Variants in KCND3 observed in about 807,000 individuals in gnomAD.
KCND3 encodes potassium voltage-gated channel subfamily D member 3, also known as A-type voltage-gated potassium channel KCND3.
Under a neutral mutation model 51.1 loss-of-function variants are expected in KCND3, and 9 were observed. That is an observed-to-expected ratio of 0.18 (90% CI 0.11 to 0.31). The LOEUF (loss-of-function observed/expected upper bound fraction) is 0.31. Among genes scored for constraint, KCND3 ranks in the 10% least tolerant of loss-of-function variants. KCND3 has a pLI of 1.00. For synonymous variants in KCND3, 349 were observed against 368.0 expected, an observed-to-expected ratio of 0.95 and a Z score of 0.59; for missense variants, 526 against 903.8, an observed-to-expected ratio of 0.58 and a Z score of 5.36.
intron 2 of KCND3, among the ~76,000 whole-genome samples, chr1:111,916,272 C>T (rs1359890035): frequency 5.3e-5 from 8 of 151,930 alleles, no homozygotes; most frequent in Admixed American, 4.6e-4. Context: ...AAAAAGATAC[C>T]TGGAAAATCC....
At chr1:111,903,848 T>C (rs1160180332) in intron 2 of KCND3, among the ~76,000 whole-genome samples, 1 of 152,230 alleles carries the variant, frequency 6.6e-6, no homozygotes, top group Non-Finnish European at 1.5e-5. Context: ...TTCATGCCTG[T>C]GTTCTGGGAG....
At chr1:111,776,859 AG>A (rs1322444907) in intron 7 of KCND3, among the ~76,000 whole-genome samples, 166 bp downstream of exon 7, 1 of 152,070 alleles carries the variant, frequency 6.6e-6, no homozygotes, top group African/African-American at 2.4e-5. Context: ...CAGCATATGA[AG>A]GGCCTTTGGG....
At chr1:111,977,591 G>A (rs1674707561) in intron 2 of KCND3, among the ~76,000 whole-genome samples, 1 of 152,176 alleles carries the variant, frequency 6.6e-6, no homozygotes, top group African/African-American at 2.4e-5. Context: ...ATCGGACACT[G>A]CTCTGAACCC....
intron 1 of KCND3, among the ~76,000 whole-genome samples, chr1:111,985,702 CTG>C (rs1292831909): frequency 6.6e-6 from 1 of 152,244 alleles, no homozygotes; most frequent in Non-Finnish European, 1.5e-5. Flanking sequence ...GTATCTGCCT[CTG>C]ACTCACTCAG....
intron 2 of KCND3, among the ~76,000 whole-genome samples, chr1:111,875,929 CT>C (rs1441524936): frequency 6.6e-6 from 1 of 152,176 alleles, no homozygotes; most frequent in Admixed American, 6.5e-5. Flanking sequence ...GAAATTGTGG[CT>C]GATGGATGGT....
At chr1:111,822,058 G>C (rs1666373982) in intron 2 of KCND3, among the ~76,000 whole-genome samples, 1 of 149,656 alleles carries the variant, frequency 6.7e-6, no homozygotes, top group African/African-American at 2.4e-5. Context: ...AACCTCCTCT[G>C]TATGTGGGGG....
intron 2 of KCND3, among the ~76,000 whole-genome samples, chr1:111,863,217 G>A (rs1167364189): frequency 6.6e-6 from 1 of 152,122 alleles, no homozygotes; most frequent in Non-Finnish European, 1.5e-5. Flanking sequence ...CAGAAAGGTT[G>A]TGTGACATGT....
At chr1:111,961,441 T>C (rs1013915671) in intron 2 of KCND3, among the ~76,000 whole-genome samples, 6 of 152,170 alleles carry the variant, frequency 3.9e-5, no homozygotes, top group African/African-American at 1.4e-4. Context: ...GTCCATTCTT[T>C]TGTCTCTTTG....
At chr1:111,959,262 C>A (rs1673507591) in intron 2 of KCND3, among the ~76,000 whole-genome samples, 1 of 152,184 alleles carries the variant, frequency 6.6e-6, no homozygotes, top group Admixed American at 6.5e-5. Context: ...CCCCCATAAA[C>A]CCTCAGCTTT....
chr1:111,911,430 G>A (rs999571202), intron 2 of KCND3, among the ~76,000 whole-genome samples: 1 of 152,172 alleles, frequency 6.6e-6, no homozygotes, highest in Admixed American at 6.5e-5. Context: ...CCATTCAGGT[G>A]CACTTATATA....
At chr1:111,882,542 G>A in intron 2 of KCND3, among the ~76,000 whole-genome samples, 1 of 152,224 alleles carries the variant, frequency 6.6e-6, no homozygotes, top group East Asian at 1.9e-4. Flanking sequence ...AGGTGACAGT[G>A]TGCAACGGAG....
intron 2 of KCND3, among the ~76,000 whole-genome samples, chr1:111,898,427 T>C (rs1175239669): frequency 6.6e-6 from 1 of 152,192 alleles, no homozygotes; most frequent in Non-Finnish European, 1.5e-5. Flanking sequence ...CTTATCATTC[T>C]GATCATCGCT....
At chr1:111,777,808 G>A (rs1664196232) in intron 6 of KCND3, among the ~76,000 whole-genome samples, 1 of 152,232 alleles carries the variant, frequency 6.6e-6, no homozygotes, top group Non-Finnish European at 1.5e-5. Flanking sequence ...GTCACGGATA[G>A]GGTTTCTTTT....
intron 2 of KCND3, among the ~76,000 whole-genome samples, chr1:111,855,811 G>C (rs982558356): frequency 6.6e-6 from 1 of 152,162 alleles, no homozygotes; most frequent in Non-Finnish European, 1.5e-5. Flanking sequence ...ACGAGGGATG[G>C]CTCCACTCAA....
At chr1:111,989,349 G>C (rs1571953457) in intron 1 of KCND3, among the ~76,000 whole-genome samples, 156 bp downstream of exon 1, 1 of 152,044 alleles carries the variant, frequency 6.6e-6, no homozygotes, top group Non-Finnish European at 1.5e-5. Context: ...GCTCCCCCAC[G>C]GCACGGGCCC....
At chr1:111,793,607 T>G (rs1467307030) in intron 2 of KCND3, among the ~76,000 whole-genome samples, 2 of 152,244 alleles carry the variant, frequency 1.3e-5, no homozygotes, top group Non-Finnish European at 2.9e-5. Context: ...TACATGCCTA[T>G]TACACAGTAA....
At chr1:111,980,722 T>A (rs1262878758) in intron 2 of KCND3, among the ~76,000 whole-genome samples, 3 of 152,180 alleles carry the variant, frequency 2.0e-5, no homozygotes, top group Non-Finnish European at 4.4e-5. Flanking sequence ...TTGGCTATAA[T>A]CCTGCTAGGG....
At chr1:111,877,406 G>A (rs974375819) in intron 2 of KCND3, among the ~76,000 whole-genome samples, 3 of 152,236 alleles carry the variant, frequency 2.0e-5, no homozygotes, top group South Asian at 2.1e-4. Context: ...AAGGTGGCAG[G>A]GGGTGCCCTG....
intron 2 of KCND3, among the ~76,000 whole-genome samples, chr1:111,845,080 C>T (rs1298009369): frequency 6.6e-6 from 1 of 152,164 alleles, no homozygotes; most frequent in Non-Finnish European, 1.5e-5. Context: ...CACTGTAAGC[C>T]CTGCCATCTA....
Sources: allele counts gnomAD v4.1 joint callset (sites outside exome capture counted in the v4.1 genomes callset), GRCh38; gene constraint gnomAD v4.1.1; transcripts MANE v1.5; gene names NCBI Gene and HGNC (gene_info 2026-07-23, HGNC 2026-07-21).